STXBP4: variants seen among roughly 807,000 people sequenced by gnomAD.
STXBP4 encodes the protein syntaxin-binding protein 4.
STXBP4 carries 55 observed loss-of-function variants against 76.1 expected under a neutral mutation model. That is an observed-to-expected ratio of 0.72 (90% CI 0.58 to 0.91). The LOEUF (loss-of-function observed/expected upper bound fraction) is 0.91, where lower values mean the gene tolerates loss of function less well. Among genes scored for constraint, STXBP4 ranks in the 40% least tolerant of loss-of-function variants. STXBP4 has a pLI of 0.00. For synonymous variants in STXBP4, 201 were observed against 220.2 expected (o/e 0.91, Z 0.77); for missense variants, 618 against 636.9 (o/e 0.97, Z 0.32).
At chr17:54,972,823 A>G (rs962831020) in intron 1 of STXBP4, among the ~76,000 whole-genome samples, 13 of 152,206 alleles carry the variant, frequency 8.5e-5, no homozygotes, top group Admixed American at 2.0e-4. Context: ...AAATCTGGCT[A>G]CCTTTATCTT....
the STXBP4 span, among the ~76,000 whole-genome samples, chr17:55,201,161 G>A: frequency 2.2e-4 from 34 of 152,326 alleles, no homozygotes; most frequent in African/African-American, 7.5e-4. Context: ...CATGGCAGCG[G>A]GTAAGCTGTG....
At chr17:55,211,581 T>C in the STXBP4 span, among the ~76,000 whole-genome samples, 1 of 152,162 alleles carries the variant, frequency 6.6e-6, no homozygotes, top group Non-Finnish European at 1.5e-5. Context: ...TTTTGCAGCT[T>C]ACCTAAAAGT....
intron 8 of STXBP4, among the ~76,000 whole-genome samples, chr17:55,029,569 A>G (rs898794477): frequency 2.0e-5 from 3 of 151,428 alleles, no homozygotes; most frequent in Non-Finnish European, 4.4e-5. Flanking sequence ...AAAAATCATT[A>G]TGCCATGTTA....
chr17:55,048,997 T>G (rs2144768363), intron 12 of STXBP4, among the ~76,000 whole-genome samples: 1 of 152,074 alleles, frequency 6.6e-6, no homozygotes, highest in East Asian at 1.9e-4. Context: ...AAATGCACAC[T>G]GCCTCCAAGT....
At chr17:55,129,510 T>C (rs1446396647) in intron 16 of STXBP4, among the ~76,000 whole-genome samples, 3 of 152,132 alleles carry the variant, frequency 2.0e-5, no homozygotes, top group African/African-American at 4.8e-5. Flanking sequence ...GGAAGATCCC[T>C]TGAGCCCAGG....
At chr17:55,127,433 A>G (rs1234809961) in intron 16 of STXBP4, among the ~76,000 whole-genome samples, 2 of 152,194 alleles carry the variant, frequency 1.3e-5, no homozygotes, top group Non-Finnish European at 1.5e-5. Context: ...CTGGGGATGC[A>G]TGTTTTCAAT....
the STXBP4 span, among the ~76,000 whole-genome samples, chr17:55,186,806 A>G: frequency 6.6e-6 from 1 of 152,092 alleles, no homozygotes; most frequent in South Asian, 2.1e-4. Context: ...GTCCCCAATA[A>G]ATATCACTCC....
chr17:55,065,633 C>A (rs1450911701), intron 12 of STXBP4, among the ~76,000 whole-genome samples: 1 of 146,118 alleles, frequency 6.8e-6, no homozygotes, highest in South Asian at 2.1e-4. Context: ...TTTTTTTTTT[C>A]TATGTCAGTC....
the STXBP4 span, among the ~76,000 whole-genome samples, chr17:55,201,734 G>T: frequency 6.6e-6 from 1 of 152,156 alleles, no homozygotes; most frequent in Non-Finnish European, 1.5e-5. Context: ...TAGGAGATCT[G>T]CTCTCTCTGT....
intron 8 of STXBP4, among the ~76,000 whole-genome samples, chr17:55,019,831 C>A (rs2078274919): frequency 6.6e-6 from 1 of 151,974 alleles, no homozygotes; most frequent in Non-Finnish European, 1.5e-5. Flanking sequence ...ATTTTTGTAG[C>A]TCTTATTCTC....
At chr17:55,023,388 A>C (rs189567637) in intron 8 of STXBP4, among the ~76,000 whole-genome samples, 3 of 152,334 alleles carry the variant, frequency 2.0e-5, no homozygotes, top group African/African-American at 7.2e-5. Context: ...TGGGAATGGG[A>C]CCTAAGTCTA....
intron 16 of STXBP4, among the ~76,000 whole-genome samples, chr17:55,115,104 C>A (rs1467223545): frequency 6.6e-6 from 1 of 151,674 alleles, no homozygotes; most frequent in Non-Finnish European, 1.5e-5. Context: ...AGTGTATTGA[C>A]GTACTTTGGC....
At chr17:55,060,846 C>G (rs2078986437) in intron 12 of STXBP4, among the ~76,000 whole-genome samples, 1 of 152,186 alleles carries the variant, frequency 6.6e-6, no homozygotes, top group African/African-American at 2.4e-5. Flanking sequence ...TTTCTAAAGC[C>G]TACTCTCACA....
intron 17 of STXBP4, among the ~76,000 whole-genome samples, chr17:55,159,317 A>G (rs2080314786): frequency 6.6e-6 from 1 of 152,252 alleles, no homozygotes; most frequent in African/African-American, 2.4e-5. Flanking sequence ...CTAAAAAAAC[A>G]AAGTATTTCA....
chr17:55,017,740 C>G (rs1315686210), intron 8 of STXBP4, among the ~76,000 whole-genome samples: 2 of 152,134 alleles, frequency 1.3e-5, no homozygotes, highest in Admixed American at 1.3e-4. Flanking sequence ...TTGGCTTCCC[C>G]AAGAAAATTG....
chr17:54,991,678 G>T (rs1041430105), intron 4 of STXBP4: 1 of 151,190 alleles, frequency 6.6e-6, no homozygotes, highest in Non-Finnish European at 1.5e-5. Flanking sequence ...ATTTTGGAGA[G>T]ATATCAGATA....
intron 8 of STXBP4, among the ~76,000 whole-genome samples, chr17:55,009,000 C>T (rs1301909240): frequency 2.0e-5 from 3 of 152,168 alleles, no homozygotes; most frequent in South Asian, 2.1e-4. Context: ...TTCTTTTGCA[C>T]GTTAGTAGCA....
rs754259399 is a variant in STXBP4 at position 55,007,509 on chromosome 17, T to C, written c.578T>C (p.Val193Ala). The change falls in exon 8 of 18, where the codon GTT becomes GCT. Residue 193 changes from valine (V) to alanine (A), a missense_variant. Transcript: ENST00000376352. ...TGTGCACCCTGTTGTCTCTTAGATG[T>C]TGCTTCTGCCTGGACTGAAAATTAT... The part of the protein sequence containing the change: ...NSTVGLSNTD[V>A]ASAWTENYGL... 22 of 1,610,666 alleles carry C rather than the reference T, an allele frequency of 1.4e-5. No individual in the cohort carries two copies. Among genetic ancestry groups the C allele is most frequent in the East Asian group, 4.5e-5 (2 of 44,740 alleles).
chr17:55,126,529 T>C (rs1281603475), intron 16 of STXBP4, among the ~76,000 whole-genome samples: 4 of 152,140 alleles, frequency 2.6e-5, no homozygotes, highest in Non-Finnish European at 5.9e-5. Context: ...TTCTATACCA[T>C]GATTGGGGTT....
Sources: gnomAD v4.1 joint callset for allele counts (sites outside exome capture counted in the v4.1 genomes callset) on GRCh38, gnomAD v4.1.1 for gene constraint, MANE v1.5 for transcripts, NCBI Gene and HGNC (gene_info 2026-07-23, HGNC 2026-07-21) for gene names.